DPP10: variants seen among roughly 807,000 people sequenced by gnomAD.
The protein encoded by DPP10 is dipeptidyl peptidase like 10, also known as inactive dipeptidyl peptidase 10.
A neutral mutation model predicts 120.9 loss-of-function variants in DPP10; 33 were observed. The observed-to-expected ratio is 0.27, with a 90% CI of 0.21 to 0.37. The LOEUF (loss-of-function observed/expected upper bound fraction) is 0.37. Among genes scored for constraint, DPP10 ranks in the 10% least tolerant of loss-of-function variants. DPP10 has a pLI of 1.00. For missense variants in DPP10, 816 were observed against 942.8 expected, an observed-to-expected ratio of 0.87 and a Z score of 1.76; for synonymous variants, 337 against 326.1, an observed-to-expected ratio of 1.03 and a Z score of -0.36.
At chr2:114,443,669 A>G (rs1298475642) in intron 1 of DPP10, among the ~76,000 whole-genome samples, 1 of 151,398 alleles carries the variant, frequency 6.6e-6, no homozygotes, top group Non-Finnish European at 1.5e-5. Context: ...TCTTGAGGGA[A>G]AGTGATGGAT....
chr2:115,349,675 A>G (rs2063899207), intron 3 of DPP10, among the ~76,000 whole-genome samples: 1 of 152,122 alleles, frequency 6.6e-6, no homozygotes, highest in Admixed American at 6.6e-5. Flanking sequence ...AAGAAACATT[A>G]TTGTAATATA....
At chr2:115,472,478 ATTTT>A (rs199609270) in intron 3 of DPP10, among the ~76,000 whole-genome samples, 1 of 152,058 alleles carries the variant, frequency 6.6e-6, no homozygotes, top group Non-Finnish European at 1.5e-5. Flanking sequence ...TAAAAATGAG[ATTTT>A]TTTTATTTCT....
intron 7 of DPP10, among the ~76,000 whole-genome samples, chr2:115,691,707 C>A (rs2091325312): frequency 6.6e-6 from 1 of 152,010 alleles, no homozygotes. Context: ...TGTTACATGC[C>A]CATTTTCAGA....
At chr2:114,814,928 G>A (rs911253257) in intron 1 of DPP10, among the ~76,000 whole-genome samples, 16 of 152,200 alleles carry the variant, frequency 1.1e-4, no homozygotes, top group Non-Finnish European at 2.1e-4. Flanking sequence ...TTGTCTACGG[G>A]TTTGGGGATG....
intron 5 of DPP10, among the ~76,000 whole-genome samples, chr2:115,543,441 T>C (rs539665400): frequency 4.3e-4 from 66 of 152,190 alleles, no homozygotes; most frequent in Admixed American, 7.9e-4. Context: ...TAATCTGATT[T>C]TCACAAACAT....
At chr2:114,613,342 CTG>C (rs1693425845) in intron 1 of DPP10, among the ~76,000 whole-genome samples, 2 of 152,016 alleles carry the variant, frequency 1.3e-5, no homozygotes, top group Non-Finnish European at 1.5e-5. Flanking sequence ...GAAGAAGAAA[CTG>C]AGGATGAAAA....
At chr2:115,429,643 G>T (rs1023210961) in intron 3 of DPP10, among the ~76,000 whole-genome samples, 1 of 152,128 alleles carries the variant, frequency 6.6e-6, no homozygotes, top group African/African-American at 2.4e-5. Flanking sequence ...TTAACTAAGT[G>T]AATGGCTTAT....
At chr2:115,464,881 T>G (rs1168571784) in intron 3 of DPP10, among the ~76,000 whole-genome samples, 1 of 152,106 alleles carries the variant, frequency 6.6e-6, no homozygotes, top group Non-Finnish European at 1.5e-5. Flanking sequence ...ACTTACTCAG[T>G]TCACAGTTAG....
At chr2:115,060,299 G>A (rs939433573) in intron 1 of DPP10, among the ~76,000 whole-genome samples, 9 of 151,866 alleles carry the variant, frequency 5.9e-5, no homozygotes, top group African/African-American at 1.7e-4. Flanking sequence ...TAGATTTATC[G>A]ATAGGTATAA....
At chr2:115,748,378 A>G (rs1378664436) in intron 10 of DPP10, among the ~76,000 whole-genome samples, 1 of 151,774 alleles carries the variant, frequency 6.6e-6, no homozygotes, top group Non-Finnish European at 1.5e-5. Context: ...ACTTTTTTCC[A>G]CCACACCTAA....
At chr2:115,472,104 C>T (rs1196620504) in intron 3 of DPP10, among the ~76,000 whole-genome samples, 2 of 151,998 alleles carry the variant, frequency 1.3e-5, no homozygotes, top group Non-Finnish European at 2.9e-5. Context: ...TTGTGCAATC[C>T]TTCTAGGTGC....
At chr2:115,527,560 A>G (rs2078207325) in intron 5 of DPP10, among the ~76,000 whole-genome samples, 1 of 152,136 alleles carries the variant, frequency 6.6e-6, no homozygotes, top group African/African-American at 2.4e-5. Flanking sequence ...CAGGCTAAAA[A>G]TACAAGTTAC....
chr2:115,802,758 T>A (rs1411616329), intron 19 of DPP10, among the ~76,000 whole-genome samples: 2 of 152,066 alleles, frequency 1.3e-5, no homozygotes, highest in Non-Finnish European at 2.9e-5. Flanking sequence ...AGTTTCTTAA[T>A]CCTGAGTTCT....
chr2:114,452,490 C>T (rs917783562), intron 1 of DPP10, among the ~76,000 whole-genome samples: 1 of 152,024 alleles, frequency 6.6e-6, no homozygotes, highest in Non-Finnish European at 1.5e-5. Flanking sequence ...CTAGTCTAGA[C>T]TCTCATTTTG....
At chr2:115,820,673 A>C (rs183879500) in intron 21 of DPP10, among the ~76,000 whole-genome samples, 3 of 152,186 alleles carry the variant, frequency 2.0e-5, no homozygotes, top group Admixed American at 6.5e-5. Flanking sequence ...ATGAGTGAGA[A>C]TATATTATGT....
chr2:115,370,890 A>G (rs2065365911), intron 3 of DPP10, among the ~76,000 whole-genome samples: 1 of 152,082 alleles, frequency 6.6e-6, no homozygotes, highest in South Asian at 2.1e-4. Flanking sequence ...AACTCAGAGA[A>G]TCACTGAGAT....
At chr2:114,863,754 A>G (rs1690009161) in intron 1 of DPP10, among the ~76,000 whole-genome samples, 1 of 152,214 alleles carries the variant, frequency 6.6e-6, no homozygotes, top group African/African-American at 2.4e-5. Flanking sequence ...ATTTCCATCT[A>G]TTTGTTTACA....
At chr2:115,315,536 C>T (rs1028050789) in intron 2 of DPP10, among the ~76,000 whole-genome samples, 1 of 152,096 alleles carries the variant, frequency 6.6e-6, no homozygotes, top group African/African-American at 2.4e-5. Flanking sequence ...AAGCACCTGA[C>T]CTGTGTTTTA....
intron 1 of DPP10, among the ~76,000 whole-genome samples, chr2:114,923,124 T>C (rs1482798939): frequency 2.0e-5 from 3 of 152,124 alleles, no homozygotes; most frequent in Non-Finnish European, 4.4e-5. Flanking sequence ...ACATTTTGGA[T>C]ACAAGTCTGT....
Sources: gnomAD v4.1 joint callset for allele counts (sites outside exome capture counted in the v4.1 genomes callset) on GRCh38, gnomAD v4.1.1 for gene constraint, MANE v1.5 for transcripts, NCBI Gene and HGNC (gene_info 2026-07-23, HGNC 2026-07-21) for gene names.